ZGRF1: variants seen among roughly 807,000 people sequenced by gnomAD.
The protein encoded by ZGRF1 is zinc finger GRF-type containing 1.
A neutral mutation model predicts 203.5 loss-of-function variants in ZGRF1; 196 were observed. The observed-to-expected ratio is 0.96, with a 90% CI of 0.86 to 1.08. ZGRF1 has a LOEUF of 1.08. ZGRF1 is among the 50% of genes least tolerant of loss of function. The pLI is 0.00. For missense variants in ZGRF1, 2,326 were observed against 2,416.3 expected, an observed-to-expected ratio of 0.96 and a Z score of 0.78; for synonymous variants, 809 against 841.3, an observed-to-expected ratio of 0.96 and a Z score of 0.66.
rs1178006177 is a variant in ZGRF1, at chr4:112,633,050, G to C, written c.21+106C>G. ...AACTGAGTAGCCTGTTTTTTGTTTTGTTTTTGCTAAATCTGGCAACACAGC... is the reference window on the plus strand; with the variant it reads ...AACTGAGTAGCCTGTTTTTTGTTTTCTTTTTGCTAAATCTGGCAACACAGC... On this transcript the variant is annotated intron_variant, in intron 2 of 27. Coordinates refer to ENST00000505019, the MANE Select transcript of ZGRF1 (RefSeq NM_018392.5). 2.9e-6 allele frequency: 3 copies of C among 1,025,142 alleles called. No individual in the cohort carries two copies. In the East Asian group the frequency reaches 7.2e-5, roughly 25 times the overall value. The allele number at this position is 1,025,142 out of a possible 1,614,324, so 63.5% of individuals were successfully genotyped here.
Position 112,586,486 on chromosome 4 carries a change from G to T in ZGRF1, c.3875C>A (p.Ser1292Tyr). ...GAAAGTCTGCTTATAATGAGCAGGA[G>T]ACTGAAAAACAGCTGGTATGTGAAT... ...RQIHIPAVFQSPAHYKQTFTS... is the reference protein window; with the variant it reads ...RQIHIPAVFQYPAHYKQTFTS... Residue 1292 changes from serine (S) to tyrosine (Y), a missense_variant, in exon 13 of 28, where the codon TCT becomes TAT. By Grantham distance (144) the Ser-to-Tyr change is moderately radical. Coordinates refer to ENST00000505019, the MANE Select transcript of ZGRF1 (RefSeq NM_018392.5). 1 of 1,612,754 alleles carries T rather than the reference G, an allele frequency of 6.2e-7. No individual in the cohort carries two copies. The highest frequency in any genetic ancestry group is 8.5e-7 in the Non-Finnish European group (1 of 1,179,246).
chr4:112,577,496 G>A lies in ZGRF1; in HGVS notation c.4438+4167C>T, dbSNP rs1352874300. On this transcript the variant is annotated intron_variant, in intron 16 of 27. Coordinates refer to ENST00000505019, the MANE Select transcript of ZGRF1 (RefSeq NM_018392.5). ...GACACAGACTGGCAAATTGGATAAA[G>A]ACTCAAGATCCATCAGTGTGCTGTA... Among the ~76,000 whole-genome samples the A allele has an allele frequency of 1.6e-5, 2 of 122,484 alleles. 1 individual carries two copies. Among genetic ancestry groups the A allele is most frequent in the Non-Finnish European group, 3.6e-5 (2 of 54,968 alleles). The allele number at this position is 122,484 out of a possible 152,430, so 80.4% of individuals were successfully genotyped here.
chr4:112,624,413 C>T (rs749817287), intron 3 of ZGRF1, among the ~76,000 whole-genome samples: 2 of 151,166 alleles, frequency 1.3e-5, no homozygotes, highest in Non-Finnish European at 2.9e-5. Flanking sequence ...GCTGAGATCA[C>T]GCCACTGCAT....
At position 112,617,766 on chromosome 4, in the gene ZGRF1, T is replaced by C. The variant is rs770409604; in HGVS notation, c.2276A>G (p.His759Arg). The C allele has an allele frequency of 9.9e-6, 16 of 1,613,946 alleles. No homozygotes were observed. Among genetic ancestry groups the C allele is most frequent in the Non-Finnish European group, 1.3e-5 (15 of 1,179,960 alleles). ...ECIALDKSNT[H>R]ISNSLFYPLG... The stretch of plus-strand genomic sequence containing the variant: ...TGGGTAAAACAAAGAATTGGAAATG[T>C]GGGTATTTGATTTATCAAGTGCAAT... Residue 759 changes from histidine (H) to arginine (R), a missense_variant, in exon 6 of 28, where the codon CAC (histidine) becomes CGC (arginine). His to Arg is a conservative substitution (Grantham distance 29). Transcript: ENST00000505019.
At chr4:112,609,181 G>A (rs530466600) in intron 8 of ZGRF1, among the ~76,000 whole-genome samples, 198 bp downstream of exon 8, 1 of 151,880 alleles carries the variant, frequency 6.6e-6, no homozygotes, top group African/African-American at 2.4e-5. Flanking sequence ...AGCCTCCCGA[G>A]TAGCCGGGAC....
At chr4:112,634,376 C>T (rs1241734978) in intron 1 of ZGRF1, among the ~76,000 whole-genome samples, 1 of 152,148 alleles carries the variant, frequency 6.6e-6, no homozygotes, top group African/African-American at 2.4e-5. Context: ...TCTTCCCAAA[C>T]AAGAATTGCA....
At chr4:112,636,516 A>C (rs2047648084) in intron 1 of ZGRF1, among the ~76,000 whole-genome samples, 1 of 152,198 alleles carries the variant, frequency 6.6e-6, no homozygotes, top group Admixed American at 6.5e-5. Flanking sequence ...CAAATAAACA[A>C]AGGAAACCCA....
chr4:112,575,748 C>T (rs1745076049), intron 16 of ZGRF1, among the ~76,000 whole-genome samples: 1 of 152,206 alleles, frequency 6.6e-6, no homozygotes, highest in African/African-American at 2.4e-5. Flanking sequence ...CCTGCCATTG[C>T]AGAGGCTTGA....
rs780032406 is a variant in ZGRF1 at position 112,540,883 on chromosome 4, C to G, written c.5848G>C (p.Ala1950Pro). 6.3e-7 allele frequency: 1 copy of G among 1,589,476 alleles called. No individual in the cohort carries two copies. Among genetic ancestry groups the G allele is most frequent in the Admixed American group, 1.8e-5 (1 of 56,650 alleles). ...FTLKLIQSLI[A>P]SGIAGSMIGV... ...ATCATAGAGCCTGCTATTCCACTTG[C>G]AATCAGTGATTGAATCAGCTTGAGT... Residue 1950 changes from alanine to proline, a missense_variant, in exon 26 of 28, where the codon GCA (alanine) becomes CCA (proline). Ala to Pro is a conservative substitution (Grantham distance 27). Coordinates refer to ENST00000505019, the MANE Select transcript of ZGRF1 (RefSeq NM_018392.5).
At chr4:112,601,988 T>C (rs541157940) in intron 10 of ZGRF1, among the ~76,000 whole-genome samples, 2 of 152,278 alleles carry the variant, frequency 1.3e-5, no homozygotes, top group African/African-American at 4.8e-5. Context: ...GCAGATCACC[T>C]GAGGTCAGGA....
chr4:112,589,805 C>T lies in ZGRF1; in HGVS notation c.3046G>A (p.Glu1016Lys), dbSNP rs1747842770. The T allele has an allele frequency of 1.2e-6, 2 of 1,613,166 alleles. No individual in the cohort carries two copies. Among genetic ancestry groups the T allele is most frequent in the African/African-American group, 2.7e-5 (2 of 74,894 alleles). ...VSTFSLNSRD[E>K]DFMVEFSETS... ...TCAGAGAATTCTACCATGAAGTCTT[C>T]ATCTCTTGAGTTCAAAGAAAAGGTA... Residue 1016 changes from glutamate to lysine, a missense_variant, in exon 11 of 28, where the codon GAA (glutamate) becomes AAA (lysine). Transcript: ENST00000505019.
chr4:112,541,105 T>G lies in ZGRF1; in HGVS notation c.5762A>C (p.Lys1921Thr). ...AATGTCATTTACCTGTTCTAGTCCT[T>G]TAACATTATAAAAACACAGGGTTGG... ...WLPTLCFYNVKGLEQIERDNS... is the reference protein window; with the variant it reads ...WLPTLCFYNVTGLEQIERDNS... Residue 1921 changes from lysine to threonine, a missense_variant, in exon 25 of 28, where the codon AAA becomes ACA. Lys to Thr is a moderately conservative substitution (Grantham distance 78). Transcript: ENST00000505019. 1 of 1,592,940 alleles carries G rather than the reference T, an allele frequency of 6.3e-7. No homozygotes were observed. Among genetic ancestry groups the G allele is most frequent in the Non-Finnish European group, 8.6e-7 (1 of 1,168,534 alleles).
rs2047464837 is a variant in ZGRF1 at position 112,633,078 on chromosome 4, G to A, written c.21+78C>T. ...TTTGCTAAATCTGGCAACACAGCAA[G>A]ATGTTTGTGAAACGCCTTTAAAAGA... On this transcript the variant is annotated intron_variant, in intron 2 of 27. Coordinates refer to ENST00000505019, the MANE Select transcript of ZGRF1 (RefSeq NM_018392.5). The A allele has an allele frequency of 3.9e-6, 5 of 1,288,128 alleles. No homozygotes were observed. The South Asian group carries it at 6.2e-5, about 16-fold the overall frequency. 79.8% of individuals were successfully genotyped at this position (1,288,128 alleles called of 1,614,324 possible).
chr4:112,572,638 T>C (rs1271159722), intron 16 of ZGRF1, among the ~76,000 whole-genome samples: 2 of 152,108 alleles, frequency 1.3e-5, no homozygotes, highest in Non-Finnish European at 2.9e-5. Context: ...GGAGAAAATA[T>C]TCACAATCTA....
chr4:112,554,603 C>T (rs1005979327), intron 21 of ZGRF1, 102 bp downstream of exon 21: 4 of 648,674 alleles, frequency 6.2e-6, no homozygotes, highest in African/African-American at 1.9e-5. Context: ...TAAAGATAAG[C>T]CTTTCTCCAT....
Position 112,589,755 on chromosome 4 carries a change from T to G in ZGRF1, c.3096A>C (p.Leu1032Phe), listed in dbSNP as rs1747830361. 1 of 1,613,938 alleles carries G rather than the reference T, an allele frequency of 6.2e-7. No homozygotes were observed. Among genetic ancestry groups the G allele is most frequent in the East Asian group, 2.2e-5 (1 of 44,854 alleles). Residue 1032 changes from leucine (L) to phenylalanine (F), a missense_variant, in exon 11 of 28, where the codon TTA becomes TTC. Leu to Phe is a conservative substitution (Grantham distance 22). Transcript: ENST00000505019. ...FSETSLKART[L>F]PDDLHFLNLE... ...AGTTGAGAAAATGAAGATCATCAGG[T>G]AAAGTTCTTGCTTTCAGGGACGTCT...
Position 112,619,269 on chromosome 4 carries a change from A to G in ZGRF1, c.773T>C (p.Leu258Pro). Residue 258 changes from leucine (L) to proline (P), a missense_variant, in exon 6 of 28, where the codon CTT (leucine) becomes CCT (proline). By Grantham distance (98) the Leu-to-Pro change is moderately conservative (BLOSUM62 -3). Coordinates refer to ENST00000505019, the MANE Select transcript of ZGRF1 (RefSeq NM_018392.5). ...TGAACTAGATGATTCGGACTTCAGA[A>G]GAGCTAATATCTGTGCTTTGCTTCT... Reference protein sequence around the residue: ...NIRSKAQILALLKSESSSSCE... With the variant: ...NIRSKAQILAPLKSESSSSCE... The G allele has an allele frequency of 6.2e-7, 1 of 1,613,374 alleles. No homozygotes were observed. The highest frequency in any genetic ancestry group is 8.5e-7 in the Non-Finnish European group (1 of 1,179,972).
At chr4:112,567,132 C>T (rs956032224) in intron 16 of ZGRF1, among the ~76,000 whole-genome samples, 7 of 152,100 alleles carry the variant, frequency 4.6e-5, no homozygotes, top group African/African-American at 1.4e-4. Context: ...AGGTTTTAGA[C>T]TTCACTTTAG....
At chr4:112,598,450 C>T (rs1470007999) in intron 10 of ZGRF1, among the ~76,000 whole-genome samples, 4 of 150,412 alleles carry the variant, frequency 2.7e-5, no homozygotes, top group Non-Finnish European at 4.4e-5. Context: ...TTTATAATAA[C>T]GAAAACATTG....
Sources: gnomAD v4.1 joint callset for allele counts (sites outside exome capture counted in the v4.1 genomes callset) on GRCh38, gnomAD v4.1.1 for gene constraint, MANE v1.5 for transcripts, NCBI Gene and HGNC (gene_info 2026-07-23, HGNC 2026-07-21) for gene names.